The following DLC1 variants were observed in gnomAD, a reference collection of about 807,000 sequenced individuals.
The protein encoded by DLC1 is DLC1 Rho GTPase activating protein.
Under a neutral mutation model 140.3 loss-of-function variants are expected in DLC1, and 54 were observed. That is an observed-to-expected ratio of 0.38 (90% CI 0.31 to 0.48). The LOEUF is 0.48. Among genes scored for constraint, DLC1 ranks in the 20% least tolerant of loss-of-function variants. The pLI is 0.96. For synonymous variants in DLC1, 986 were observed against 728.1 expected (o/e 1.35, Z -5.70); for missense variants, 2,536 against 1,907.0 (o/e 1.33, Z -6.14).
chr8:13,315,919 T>C (rs1057169024), intron 4 of DLC1, among the ~76,000 whole-genome samples: 2 of 152,222 alleles, frequency 1.3e-5, no homozygotes, highest in Admixed American at 6.5e-5. Flanking sequence ...CCAGCTTCTA[T>C]AGTATTGTCT....
chr8:13,567,414 G>C, intron 1 of DLC1: 1 of 1,551,836 alleles, frequency 6.4e-7, no homozygotes, highest in Non-Finnish European at 8.7e-7. Context: ...ATTCTAAGAA[G>C]AAGACGAGCA....
intron 1 of DLC1, among the ~76,000 whole-genome samples, chr8:13,534,517 A>G (rs773936276): frequency 6.6e-6 from 1 of 152,078 alleles, no homozygotes; most frequent in Non-Finnish European, 1.5e-5. Context: ...GCAGACTCTC[A>G]GCTCCCATAT....
At chr8:13,292,362 G>A (rs988051263) in intron 5 of DLC1, among the ~76,000 whole-genome samples, 1 of 152,170 alleles carries the variant, frequency 6.6e-6, no homozygotes, top group Non-Finnish European at 1.5e-5. Flanking sequence ...ATTAGCTGTG[G>A]AACGATGAGT....
At chr8:13,285,429 G>C (rs1831504991) in intron 5 of DLC1, among the ~76,000 whole-genome samples, 1 of 152,102 alleles carries the variant, frequency 6.6e-6, no homozygotes, top group Non-Finnish European at 1.5e-5. Context: ...CCTAAATGTA[G>C]GAGTAAAACT....
chr8:13,261,448 G>A (rs1830464336), intron 5 of DLC1, among the ~76,000 whole-genome samples: 1 of 152,124 alleles, frequency 6.6e-6, no homozygotes, highest in South Asian at 2.1e-4. Flanking sequence ...ATTGTGTGAG[G>A]GAAAGATATT....
At chr8:13,167,511 A>C (rs927710638) in intron 5 of DLC1, among the ~76,000 whole-genome samples, 5 of 152,128 alleles carry the variant, frequency 3.3e-5, no homozygotes, top group African/African-American at 1.2e-4. Flanking sequence ...TCGGTATTTT[A>C]TCTACCGGGT....
intron 5 of DLC1, among the ~76,000 whole-genome samples, chr8:13,268,419 A>T (rs1386954759): frequency 6.6e-6 from 1 of 152,036 alleles, no homozygotes; most frequent in African/African-American, 2.4e-5. Context: ...GGTTCACGCC[A>T]TTCTCCTGCC....
chr8:13,538,551 G>A (rs1222706944), intron 1 of DLC1, among the ~76,000 whole-genome samples: 1 of 152,098 alleles, frequency 6.6e-6, no homozygotes, highest in East Asian at 1.9e-4. Context: ...AATTTTTGTT[G>A]TGAGTCTTTA....
intron 4 of DLC1, among the ~76,000 whole-genome samples, chr8:13,375,955 C>T (rs538770272): frequency 4.6e-5 from 7 of 152,178 alleles, no homozygotes; most frequent in African/African-American, 1.7e-4. Flanking sequence ...ATCTAGGATA[C>T]CTGTGAGAGT....
At chr8:13,143,846 G>GAGAGAGACAT (rs1433409476) in intron 5 of DLC1, among the ~76,000 whole-genome samples, 2 of 148,388 alleles carry the variant, frequency 1.3e-5, no homozygotes, top group Admixed American at 6.7e-5. Flanking sequence ...GAGAGAGAGA[G>GAGAGAGACAT]AGAGAGACAT....
At chr8:13,159,857 G>GAAA (rs556824574) in intron 5 of DLC1, among the ~76,000 whole-genome samples, 1 of 120,746 alleles carries the variant, frequency 8.3e-6, no homozygotes, top group Non-Finnish European at 1.7e-5. Flanking sequence ...AACCTGGTTT[G>GAAA]AAAAAAAAAA....
intron 5 of DLC1, among the ~76,000 whole-genome samples, chr8:13,237,656 C>T (rs987249693): frequency 1.3e-5 from 2 of 152,002 alleles, no homozygotes; most frequent in African/African-American, 2.4e-5. Context: ...TATATCACTG[C>T]GCATGTTTCT....
intron 3 of DLC1, among the ~76,000 whole-genome samples, chr8:13,400,507 A>G (rs1430505595): frequency 2.0e-5 from 3 of 152,132 alleles, no homozygotes; most frequent in Admixed American, 6.5e-5. Flanking sequence ...ATACATCTCT[A>G]TTTACAGAGC....
intron 4 of DLC1, among the ~76,000 whole-genome samples, chr8:13,360,452 C>T (rs957747638): frequency 2.6e-5 from 4 of 152,198 alleles, no homozygotes; most frequent in African/African-American, 9.7e-5. Flanking sequence ...CCCATTTCCT[C>T]TACTAGTAGT....
rs73556426 is a variant in DLC1 at position 13,157,548 on chromosome 8, C to T, written c.1349-41891G>A. On this transcript the variant is annotated intron_variant, in intron 5 of 17. Transcript: ENST00000276297. ...TCACCACACACCTACTTTTTATTGG[C>T]TCCCAAATCATAGGCTAACTGAACT... 6.2e-3 allele frequency among the ~76,000 whole-genome samples: 947 copies of T among 152,232 alleles called. 13 individuals carry two copies. The highest frequency in any genetic ancestry group is 0.022 in the African/African-American group (926 of 41,536).
rs368797469 is a variant in DLC1 at position 13,411,016 on chromosome 8, C to T, written c.1024-9397G>A. ...ACCTGCAGAGCTGATTCTTGGAAAA[C>T]GAAAATGAAGACCAAGAAACATATT... is the stretch of plus-strand genomic sequence containing the variant. On this transcript the variant is annotated intron_variant, in intron 2 of 17. Transcript: ENST00000276297. 4.3e-4 allele frequency among the ~76,000 whole-genome samples: 65 copies of T among 152,144 alleles called. No homozygotes were observed. In the East Asian group the frequency reaches 6.8e-3, roughly 16 times the overall value.
intron 5 of DLC1, among the ~76,000 whole-genome samples, chr8:13,252,390 G>T (rs984930436): frequency 6.6e-6 from 1 of 152,168 alleles, no homozygotes; most frequent in South Asian, 2.1e-4. Flanking sequence ...CCTGCTGCAC[G>T]AGAGGGAAGG....
At chr8:13,510,317 G>A (rs922166753) in intron 1 of DLC1, among the ~76,000 whole-genome samples, 13 of 152,112 alleles carry the variant, frequency 8.5e-5, no homozygotes, top group Admixed American at 7.9e-4. Flanking sequence ...GGGATTACAG[G>A]TGCCTGCTAC....
intron 4 of DLC1, chr8:13,340,595 T>C (rs1833996450): frequency 6.6e-6 from 1 of 152,256 alleles, no homozygotes; most frequent in African/African-American, 2.4e-5. Flanking sequence ...CTATTTTTCT[T>C]TCACAGGCCT....
Sources: gnomAD v4.1 joint callset for allele counts (sites outside exome capture counted in the v4.1 genomes callset) on GRCh38, gnomAD v4.1.1 for gene constraint, MANE v1.5 for transcripts, NCBI Gene and HGNC (gene_info 2026-07-23, HGNC 2026-07-21) for gene names.